Variants in TELO2 observed in about 807,000 individuals in gnomAD.
TELO2 encodes the protein telomere maintenance 2, also known as telomere length regulation protein TEL2 homolog.
A neutral mutation model predicts 91.0 loss-of-function variants in TELO2; 71 were observed. That is an observed-to-expected ratio of 0.78 (90% CI 0.64 to 0.95). The LOEUF is 0.95. Ranked by LOEUF, TELO2 falls within the 40% of genes least tolerant of loss-of-function variation. The pLI, the probability that TELO2 is intolerant of heterozygous loss-of-function variation, is 0.00. For missense variants in TELO2, 1,183 were observed against 1,141.3 expected (o/e 1.04, Z -0.53); for synonymous variants, 584 against 518.9 (o/e 1.13, Z -1.71).
intron 20 of TELO2, among the ~76,000 whole-genome samples, chr16:1,509,424 C>T (rs912459061): frequency 2.6e-5 from 4 of 152,184 alleles, no homozygotes; most frequent in East Asian, 1.9e-4. Context: ...TGGCAGTGTG[C>T]GGTCCCAGAC....
At position 1,500,402 on chromosome 16, in the gene TELO2, C is replaced by G; in HGVS notation, c.1058C>G (p.Pro353Arg). 6.2e-7 allele frequency: 1 copy of G among 1,602,294 alleles called. No individual in the cohort carries two copies. Among genetic ancestry groups the G allele is most frequent in the South Asian group, 1.1e-5 (1 of 89,332 alleles). Residue 353 changes from proline to arginine, a missense_variant, in exon 8 of 21, where the codon CCC (proline) becomes CGC (arginine). Transcript: ENST00000262319. ...AGCAGCAGTGCCATCCGCCACACTC[C>G]CCTGCCGCAGCAGCGCCACGTCAGC... ...WGSSSAIRHT[P>R]LPQQRHVSKA...
Position 1,499,292 on chromosome 16 carries a change from G to T in TELO2, c.892G>T (p.Val298Leu). ...LVVKNKKAQF[V>L]MTQKLLFLQS... is the part of the protein sequence containing the mutation. ...GGTGAAGAACAAGAAGGCCCAGTTT[G>T]TGATGACCCAGAAGCTTCTGTTCTT... The change falls in exon 6 of 21, where the codon GTG (valine) becomes TTG (leucine). Residue 298 changes from valine to leucine, a missense_variant. By Grantham distance (32) the Val-to-Leu change is conservative. Transcript: ENST00000262319. 1 of 1,614,086 alleles carries T rather than the reference G, an allele frequency of 6.2e-7. No individual in the cohort carries two copies. Among genetic ancestry groups the T allele is most frequent in the South Asian group, 1.1e-5 (1 of 91,080 alleles).
At chr16:1,506,493 C>T (rs770699933) in intron 17 of TELO2, 164 bp downstream of exon 17, 99 of 1,471,786 alleles carry the variant, frequency 6.7e-5, no homozygotes, top group South Asian at 1.5e-4. Context: ...GGGAGCGTCC[C>T]GCAAGATTCC....
At position 1,506,943 on chromosome 16, in the gene TELO2, G is replaced by A. The variant is rs1185027793; in HGVS notation, c.2127-9G>A. On this transcript the variant is annotated splice_polypyrimidine_tract_variant and intron_variant, in intron 17 of 20. Transcript: ENST00000262319. ...CCCGCTGCACCTTGGGCTCCATCCTGTGCTCTAGGCCTCTGGTGACCTTCG... is the reference window on the plus strand; with the variant it reads ...CCCGCTGCACCTTGGGCTCCATCCTATGCTCTAGGCCTCTGGTGACCTTCG... The A allele has an allele frequency of 1.2e-6, 2 of 1,604,850 alleles. No individual in the cohort carries two copies. Among genetic ancestry groups the A allele is most frequent in the African/African-American group, 1.3e-5 (1 of 74,758 alleles).
chr16:1,503,302 G>T (rs1208476771), intron 15 of TELO2, among the ~76,000 whole-genome samples: 1 of 152,226 alleles, frequency 6.6e-6, no homozygotes, highest in Non-Finnish European at 1.5e-5. Context: ...CAATGAAAAA[G>T]AAAAATTTGA....
intron 15 of TELO2, among the ~76,000 whole-genome samples, chr16:1,503,353 C>G (rs1025763418): frequency 1.3e-5 from 2 of 152,148 alleles, no homozygotes; most frequent in Non-Finnish European, 2.9e-5. Flanking sequence ...ATCGCTGGAG[C>G]CCAGGAGTTC....
intron 14 of TELO2, 21 bp from the exon 15 acceptor site, chr16:1,502,910 G>T: frequency 6.2e-7 from 1 of 1,609,726 alleles, no homozygotes. Context: ...GACCACAGCA[G>T]CCTCTCCCCT....
chr16:1,493,665 G>A lies in TELO2; in HGVS notation c.-37+60G>A, dbSNP rs1475696198. The A allele has an allele frequency of 2.0e-5, 3 of 152,998 alleles. No homozygotes were observed. The highest frequency in any genetic ancestry group is 2.9e-5 in the Non-Finnish European group (2 of 68,596). 9.5% of individuals were successfully genotyped at this position (152,998 alleles called of 1,614,324 possible). A position where few individuals can be genotyped will look rare whatever the true frequency, so the allele number is the denominator to read the frequency against. ...TCCGGTTGGGTCGGGTTGGGCTCCA[G>A]GTCTGGTTGGGTCGGGTCCAGGTCG... On this transcript the variant is annotated intron_variant, in intron 1 of 20. Coordinates refer to ENST00000262319, the MANE Select transcript of TELO2 (RefSeq NM_016111.4). This position sits in a 1 kb window ranked among gnomAD's most constrained non-coding sequence, Gnocchi z 4.3.
rs1436769823 is a variant in TELO2 at position 1,502,302 on chromosome 16, G to A, written c.1562-11G>A. Reference sequence around the variant, plus strand: ...CTGAGGCTGACCGAGGCCTCTCTGGGTTCTGTGCAGCCCTGACCACGTCTG... The same window carrying A: ...CTGAGGCTGACCGAGGCCTCTCTGGATTCTGTGCAGCCCTGACCACGTCTG... On this transcript the variant is annotated splice_polypyrimidine_tract_variant and intron_variant, in intron 12 of 20. Coordinates refer to ENST00000262319, the MANE Select transcript of TELO2 (RefSeq NM_016111.4). The A allele has an allele frequency of 5.6e-6, 9 of 1,597,202 alleles. No homozygotes were observed. Among genetic ancestry groups the A allele is most frequent in the East Asian group, 4.5e-5 (2 of 44,302 alleles).
intron 18 of TELO2, 68 bp from the exon 19 acceptor site, chr16:1,507,238 C>T (rs1029967408): frequency 1.6e-5 from 26 of 1,577,852 alleles, no homozygotes; most frequent in Admixed American, 8.4e-5. Flanking sequence ...CAGCGGAAGC[C>T]GCCCATGGGT....
chr16:1,501,920 TCCA>T, intron 11 of TELO2, 124 bp from the exon 12 acceptor site: 1 of 1,468,570 alleles, frequency 6.8e-7, no homozygotes, highest in South Asian at 1.1e-5. Flanking sequence ...AGCTCCCAGC[TCCA>T]CCGTAGGCGC....
In TELO2 at chr16:1,495,413, G is replaced by C. The variant is rs1478549683; in HGVS notation, c.403G>C (p.Val135Leu). The C allele has an allele frequency of 2.5e-6, 4 of 1,592,856 alleles. No homozygotes were observed. Among genetic ancestry groups the C allele is most frequent in the African/African-American group, 2.7e-5 (2 of 74,346 alleles). Residue 135 changes from valine to leucine, a missense_variant, in exon 3 of 21, where the codon GTG becomes CTG. Coordinates refer to ENST00000262319, the MANE Select transcript of TELO2 (RefSeq NM_016111.4). Reference sequence around the variant, plus strand: ...ATTCCTGCGCGAGGGCCGGCTGGCAGTGCTGATGGAGGCGCAGTGTCGGCA... The same window carrying C: ...ATTCCTGCGCGAGGGCCGGCTGGCACTGCTGATGGAGGCGCAGTGTCGGCA... Reference protein sequence around the residue: ...ARFLREGRLAVLMEAQCRQQT... With the variant: ...ARFLREGRLALLMEAQCRQQT...
At position 1,507,289 on chromosome 16, in the gene TELO2, C is replaced by A. The variant is rs767333054; in HGVS notation, c.2227-17C>A. 2 of 1,606,792 alleles carry A rather than the reference C, an allele frequency of 1.2e-6. No individual in the cohort carries two copies. Among genetic ancestry groups the A allele is most frequent in the Non-Finnish European group, 1.7e-6 (2 of 1,179,804 alleles). On this transcript the variant is annotated splice_polypyrimidine_tract_variant and intron_variant, in intron 18 of 20. Coordinates refer to ENST00000262319, the MANE Select transcript of TELO2 (RefSeq NM_016111.4). ...CGGCGTCGGGACCCCACTGACTGTC[C>A]CTCTGCTGGTGTCCAGGTGGCTGTG...
intron 5 of TELO2, among the ~76,000 whole-genome samples, chr16:1,498,150 G>C (rs1666811805): frequency 6.6e-6 from 1 of 151,814 alleles, no homozygotes; most frequent in South Asian, 2.1e-4. Context: ...GAGTAGCTAG[G>C]ACTACAGGCG....
rs750055685 is a variant in TELO2 at position 1,507,703 on chromosome 16, G to T, written c.2394G>T (p.Arg798=). Residue 798 remains arginine, a synonymous_variant, in exon 20 of 21, where the codon CGG becomes CGT. Transcript: ENST00000262319. ...EDLMDELLEA[R]SWLADVAEKD... ...TGATGGACGAGCTGCTGGAAGCCCG[G>T]TCCTGGCTGGCGGGTGAGTGTCGGC... 1.7e-5 allele frequency: 27 copies of T among 1,603,756 alleles called. No homozygotes were observed. Among genetic ancestry groups the T allele is most frequent in the Non-Finnish European group, 2.1e-5 (25 of 1,179,638 alleles).
chr16:1,494,454 A>C lies in TELO2; in HGVS notation c.173A>C (p.His58Pro). The change falls in exon 2 of 21, where the codon CAC (histidine) becomes CCC (proline). Residue 58 changes from histidine to proline, a missense_variant. Physicochemically the swap from His to Pro is moderately conservative, Grantham distance 77. Transcript: ENST00000262319. This position sits in a 1 kb window ranked among gnomAD's most constrained non-coding sequence, Gnocchi z 5.6. ...GAGAAGGAGGAGTTTGCCTCGGCCC[A>C]CTTCTCGCCTGTCCTCAGATGTCTT... ...PREKEEFASAHFSPVLRCLAS... is the reference protein window; with the variant it reads ...PREKEEFASAPFSPVLRCLAS... 1 of 1,613,156 alleles carries C rather than the reference A, an allele frequency of 6.2e-7. No individual in the cohort carries two copies. The highest frequency in any genetic ancestry group is 8.5e-7 in the Non-Finnish European group (1 of 1,179,924).
Position 1,510,153 on chromosome 16 carries a change from G to A in TELO2, c.*217G>A, listed in dbSNP as rs985143816. On this transcript the variant is annotated 3_prime_UTR_variant, in exon 21 of 21. Transcript: ENST00000262319. ...CCTGGGCACTGCCCGCCGGGACATGGCAGCCTGGACGTGGGGCTGGGGCTG... is the reference window on the plus strand; with the variant it reads ...CCTGGGCACTGCCCGCCGGGACATGACAGCCTGGACGTGGGGCTGGGGCTG... 16 of 555,924 alleles carry A rather than the reference G, an allele frequency of 2.9e-5. No homozygotes were observed. The highest frequency in any genetic ancestry group is 2.6e-4 in the South Asian group (13 of 49,488). 34.4% of individuals were successfully genotyped at this position (555,924 alleles called of 1,614,324 possible). A position where few individuals can be genotyped will look rare whatever the true frequency, so the allele number is the denominator to read the frequency against.
At position 1,509,692 on chromosome 16, in the gene TELO2, G is replaced by A. The variant is rs1048179754; in HGVS notation, c.2408-138G>A. On this transcript the variant is annotated intron_variant, in intron 20 of 20. Transcript: ENST00000262319. ...GGCCCCAAGGCCGTGGGGAGAGTCCGGGGTCACTGCAGACCCGAGCCCCCT... is the reference window on the plus strand; with the variant it reads ...GGCCCCAAGGCCGTGGGGAGAGTCCAGGGTCACTGCAGACCCGAGCCCCCT... 5.2e-5 allele frequency: 38 copies of A among 732,310 alleles called. 1 individual carries two copies. In the Admixed American group the frequency reaches 7.2e-4, roughly 14 times the overall value. The allele number at this position is 732,310 out of a possible 1,614,324, so 45.4% of individuals were successfully genotyped here. A position where few individuals can be genotyped will look rare whatever the true frequency, so the allele number is the denominator to read the frequency against.
At position 1,507,030 on chromosome 16, in the gene TELO2, G is replaced by A. The variant is rs781106604; in HGVS notation, c.2205G>A (p.Met735Ile). ...GRLAHTLGAL[M>I]CLAVNTTVAV... ...TGGCGCACACCTTAGGGGCCCTGATGTGCCTGGCTGTTAACACCACGGTGA... is the reference window on the plus strand; with the variant it reads ...TGGCGCACACCTTAGGGGCCCTGATATGCCTGGCTGTTAACACCACGGTGA... The change falls in exon 18 of 21, where the codon ATG (methionine) becomes ATA (isoleucine). Residue 735 changes from methionine to isoleucine, a missense_variant. Met to Ile is a conservative substitution (Grantham distance 10). Transcript: ENST00000262319. The A allele has an allele frequency of 1.2e-6, 2 of 1,610,544 alleles. No homozygotes were observed. The highest frequency in any genetic ancestry group is 1.7e-4 in the Middle Eastern group (1 of 6,024).
Sources: gnomAD v4.1 joint callset for allele counts (sites outside exome capture counted in the v4.1 genomes callset) on GRCh38, gnomAD v4.1.1 for gene constraint, Gnocchi (gnomAD v3.1) non-coding constraint, MANE v1.5 for transcripts, NCBI Gene and HGNC (gene_info 2026-07-23, HGNC 2026-07-21) for gene names.